The following ZNF619 variants were observed in gnomAD, a reference collection of about 807,000 sequenced individuals.
ZNF619 encodes zinc finger protein 619.
A neutral mutation model predicts 14.2 loss-of-function variants in ZNF619; 9 were observed. The ratio of observed to expected loss-of-function variants is 0.64; its 90% confidence interval spans 0.38 to 1.11. ZNF619 has a LOEUF of 1.11. ZNF619 is among the 50% of genes least tolerant of loss of function. ZNF619 has a pLI of 0.01. For synonymous variants in ZNF619, 246 were observed against 252.8 expected, an observed-to-expected ratio of 0.97 and a Z score of 0.26; for missense variants, 659 against 680.1, an observed-to-expected ratio of 0.97 and a Z score of 0.34.
Position 40,487,371 on chromosome 3 carries a change from C to A in ZNF619, c.861C>A (p.Pro287=). The change falls in exon 5 of 5, where the codon CCC becomes CCA. Residue 287 remains proline (P), a synonymous_variant. Coordinates refer to ENST00000432264, the MANE Select transcript of ZNF619 (RefSeq NM_001145093.4). ...QHQKLHGGQR[P]YECTDCGKTF... is the part of the protein sequence containing the mutation. ...AGAAGCTCCATGGTGGACAGAGGCC[C>A]TATGAATGTACTGACTGTGGTAAAA... The A allele has an allele frequency of 6.2e-7, 1 of 1,614,170 alleles. No homozygotes were observed. Among genetic ancestry groups the A allele is most frequent in the Non-Finnish European group, 8.5e-7 (1 of 1,180,042 alleles).
At chr3:40,481,839 G>T in intron 2 of ZNF619, 24 bp from the exon 3 acceptor site, 1 of 1,582,050 alleles carries the variant, frequency 6.3e-7, no homozygotes, top group Non-Finnish European at 8.6e-7. Flanking sequence ...TGGAATTCAG[G>T]CCTCTCCCTC....
chr3:40,486,866 CAG>C lies in ZNF619; in HGVS notation c.359_360del (p.Glu120ValfsTer18). 6.2e-7 allele frequency: 1 copy of C among 1,612,858 alleles called. No individual in the cohort carries two copies. Among genetic ancestry groups the C allele is most frequent in the Non-Finnish European group, 8.5e-7 (1 of 1,179,690 alleles). On this transcript the variant is annotated frameshift_variant, in exon 5 of 5. Coordinates refer to ENST00000432264, the MANE Select transcript of ZNF619 (RefSeq NM_001145093.4). LOFTEE classifies it low-confidence loss of function (END_TRUNC). ...GCACAGCTAAACATTTCTAAAGAAT[CAG>C]AGTCCCACAGACTGATAGTGGAGGG...
Position 40,481,984 on chromosome 3 carries a change from T to TG in ZNF619, c.147dup (p.Leu50AlafsTer52). 6.2e-7 allele frequency: 1 copy of TG among 1,605,718 alleles called. No homozygotes were observed. Among genetic ancestry groups the TG allele is most frequent in the Non-Finnish European group, 8.5e-7 (1 of 1,177,490 alleles). On this transcript the variant is annotated frameshift_variant, in exon 3 of 5. Coordinates refer to ENST00000432264, the MANE Select transcript of ZNF619 (RefSeq NM_001145093.4). LOFTEE classifies it high-confidence loss of function. ...CAGAGGGCCCTATACAGGGAGGTGATGCTGGAGAATTATGCAAATGTGACT... is the reference window on the plus strand; with the variant it reads ...CAGAGGGCCCTATACAGGGAGGTGATGGCTGGAGAATTATGCAAATGTGACT...
chr3:40,483,767 T>C (rs879851880), intron 4 of ZNF619: 3 of 372,138 alleles, frequency 8.1e-6, no homozygotes, highest in Non-Finnish European at 1.6e-5. Context: ...TAGCTGGGAT[T>C]ATAGGCATGT....
intron 4 of ZNF619, among the ~76,000 whole-genome samples, chr3:40,483,918 G>T (rs963514124): frequency 1.3e-5 from 2 of 151,942 alleles, no homozygotes; most frequent in Admixed American, 6.6e-5. Flanking sequence ...GTGAGCTACT[G>T]CACTTGGCCT....
Position 40,487,508 on chromosome 3 carries a change from T to G in ZNF619, c.998T>G (p.Ile333Ser). ...TTCAGTTGTAGCTATGACTGCATCA[T>G]CCATGAACGAATTCACAATGGGGAG... is the stretch of plus-strand genomic sequence containing the variant. ...KAFSCSYDCI[I>S]HERIHNGEKP... The change falls in exon 5 of 5, where the codon ATC becomes AGC. Residue 333 changes from isoleucine to serine, a missense_variant. Coordinates refer to ENST00000432264, the MANE Select transcript of ZNF619 (RefSeq NM_001145093.4). 6.2e-7 allele frequency: 1 copy of G among 1,613,958 alleles called. No individual in the cohort carries two copies.
intron 4 of ZNF619, 46 bp downstream of exon 4, chr3:40,482,750 CTTTCT>C: frequency 2.1e-6 from 3 of 1,444,654 alleles, no homozygotes; most frequent in Non-Finnish European, 2.8e-6. Context: ...TTGCCTCCTC[CTTTCT>C]TTTAACAATT....
rs1697779275 is a variant in ZNF619 at position 40,490,716 on chromosome 3, A to G, written c.*2475A>G. 6.6e-6 allele frequency among the ~76,000 whole-genome samples: 1 copy of G among 152,196 alleles called. No homozygotes were observed. The highest frequency in any genetic ancestry group is 2.4e-5 in the African/African-American group (1 of 41,448). ...TTATGATTTTCTTAATATTTTCTCT[A>G]GCTTTATTATAAGAATATAGTGTCT... On this transcript the variant is annotated 3_prime_UTR_variant, in exon 5 of 5. Transcript: ENST00000432264.
At chr3:40,481,568 G>A (rs920858484) in intron 2 of ZNF619, among the ~76,000 whole-genome samples, 12 of 152,308 alleles carry the variant, frequency 7.9e-5, no homozygotes, top group African/African-American at 2.9e-4. Flanking sequence ...GTTACCTGCT[G>A]TGGTCGATTT....
At chr3:40,482,460 C>T (rs1697437310) in intron 3 of ZNF619, 128 bp from the exon 4 acceptor site, 4 of 1,563,992 alleles carry the variant, frequency 2.6e-6, no homozygotes, top group African/African-American at 1.4e-5. Flanking sequence ...TGCAGATTCA[C>T]TCCTCCCTGA....
In ZNF619 at chr3:40,488,120, T is replaced by C; in HGVS notation, c.1610T>C (p.Leu537Pro). The C allele has an allele frequency of 6.2e-7, 1 of 1,614,188 alleles. No homozygotes were observed. The highest frequency in any genetic ancestry group is 8.5e-7 in the Non-Finnish European group (1 of 1,180,020). The change falls in exon 5 of 5, where the codon CTG becomes CCG. Residue 537 changes from leucine to proline, a missense_variant. Transcript: ENST00000432264. ...VLPPSVPFFL[L>P]LPSSEKANPS... ...CCTCCCTCTGTGCCTTTCTTCCTGC[T>C]GCTTCCCTCATCTGAAAAGGCCAAC...
At chr3:40,486,743 G>T in intron 4 of ZNF619, 63 bp from the exon 5 acceptor site, 2 of 1,342,022 alleles carry the variant, frequency 1.5e-6, no homozygotes, top group Admixed American at 2.3e-5. Flanking sequence ...AGCTGTTACT[G>T]ATTAACCCTT....
At chr3:40,478,047 T>C in intron 2 of ZNF619, 44 bp downstream of exon 2, 1 of 1,544,260 alleles carries the variant, frequency 6.5e-7, no homozygotes, top group East Asian at 2.4e-5. Flanking sequence ...AGAACAGATA[T>C]GGAAGGTCAG....
chr3:40,483,569 G>A, intron 4 of ZNF619: 1 of 441,344 alleles, frequency 2.3e-6, no homozygotes, highest in South Asian at 1.6e-5. Flanking sequence ...GGGATTACAG[G>A]TGTGAGGCAC....
chr3:40,486,727 A>G, intron 4 of ZNF619, 79 bp from the exon 5 acceptor site: 3 of 1,144,436 alleles, frequency 2.6e-6, no homozygotes, highest in African/African-American at 1.6e-5. Flanking sequence ...TCATGTGTCT[A>G]GGGCAAGCTG....
At position 40,478,060 on chromosome 3, in the gene ZNF619, C is replaced by A. The variant is rs1009422303; in HGVS notation, c.24+57C>A. 36 of 1,504,434 alleles carry A rather than the reference C, an allele frequency of 2.4e-5. No homozygotes were observed. The South Asian group carries it at 4.2e-4, about 18-fold the overall frequency. The allele number at this position is 1,504,434 out of a possible 1,614,324, so 93.2% of individuals were successfully genotyped here. A position where few individuals can be genotyped will look rare whatever the true frequency, so the allele number is the denominator to read the frequency against. On this transcript the variant is annotated intron_variant, in intron 2 of 4. Transcript: ENST00000432264. ...TCAGAACAGATATGGAAGGTCAGTA[C>A]AGCCCCAGTAGCCTGACTTGGCCAG...
intron 2 of ZNF619, among the ~76,000 whole-genome samples, chr3:40,479,471 G>T (rs1285404036): frequency 6.6e-6 from 1 of 152,208 alleles, no homozygotes; most frequent in African/African-American, 2.4e-5. Flanking sequence ...AGATTTAGAT[G>T]ATATCATGTG....
At chr3:40,479,113 A>C (rs1009099835) in intron 2 of ZNF619, among the ~76,000 whole-genome samples, 1 of 152,158 alleles carries the variant, frequency 6.6e-6, no homozygotes, top group Admixed American at 6.6e-5. Flanking sequence ...CCATCCTAGC[A>C]GTGTCTCACC....
At chr3:40,482,229 G>A (rs775326467) in intron 3 of ZNF619, 11 of 1,551,468 alleles carry the variant, frequency 7.1e-6, no homozygotes, top group Non-Finnish European at 9.6e-6. Flanking sequence ...TCCTAATGGA[G>A]ACCCAACTGC....
Sources: gnomAD v4.1 joint callset for allele counts (sites outside exome capture counted in the v4.1 genomes callset) on GRCh38, gnomAD v4.1.1 for gene constraint, MANE v1.5 for transcripts, NCBI Gene and HGNC (gene_info 2026-07-23, HGNC 2026-07-21) for gene names.